The following B3GALNT2 variants were observed in gnomAD, a reference collection of about 807,000 sequenced individuals.
B3GALNT2 encodes UDP-GalNAc:beta-1,3-N-acetylgalactosaminyltransferase 2.
In B3GALNT2, 53 loss-of-function variants were observed where a neutral mutation model predicts 61.1. The ratio of observed to expected loss-of-function variants is 0.87; its 90% CI spans 0.70 to 1.09. The LOEUF (loss-of-function observed/expected upper bound fraction) is 1.09. Ranked by LOEUF, B3GALNT2 falls within the 50% of genes least tolerant of loss-of-function variation. B3GALNT2 has a pLI of 0.00. For missense variants in B3GALNT2, 544 were observed against 623.0 expected (o/e 0.87, Z 1.35); for synonymous variants, 223 against 237.4 (o/e 0.94, Z 0.56).
At chr1:235,455,453 A>G in intron 9 of B3GALNT2, 106 bp downstream of exon 9, 1 of 1,258,930 alleles carries the variant, frequency 7.9e-7, no homozygotes, top group Non-Finnish European at 1.1e-6. Context: ...CTAGTACGAA[A>G]TTGTATATCT....
At chr1:235,463,192 A>G (rs953305763) in intron 7 of B3GALNT2, among the ~76,000 whole-genome samples, 10 of 152,184 alleles carry the variant, frequency 6.6e-5, no homozygotes, top group Non-Finnish European at 1.0e-4. Flanking sequence ...ATGCAAAGGC[A>G]TAAGAATGAT....
At chr1:235,464,082 T>G (rs571168013) in intron 7 of B3GALNT2, 41 of 152,246 alleles carry the variant, frequency 2.7e-4, no homozygotes, top group African/African-American at 9.4e-4. Context: ...TATATGAAAA[T>G]GAACATGGAT....
rs556084057 is a variant in B3GALNT2, at chr1:235,453,236, CCTTT to C, written c.1312-94_1312-91del. The stretch of plus-strand genomic sequence containing the variant: ...CCATAGCCACTCCCATCATAAACCA[CCTTT>C]CTACTTTTTTGCTCTGTTATTATTC... On this transcript the variant is annotated intron_variant, in intron 10 of 11. Coordinates refer to ENST00000366600, the MANE Select transcript of B3GALNT2 (RefSeq NM_152490.5). The C allele has an allele frequency of 1.2e-4, 149 of 1,293,976 alleles. 2 individuals carry two copies. The Middle Eastern group carries it at 1.9e-3, about 16-fold the overall frequency. The allele number at this position is 1,293,976 out of a possible 1,614,324, so 80.2% of individuals were successfully genotyped here. A position where few individuals can be genotyped will look rare whatever the true frequency, so the allele number is the denominator to read the frequency against.
chr1:235,476,958 G>A (rs753196812), intron 5 of B3GALNT2, among the ~76,000 whole-genome samples: 3 of 151,656 alleles, frequency 2.0e-5, no homozygotes, highest in Non-Finnish European at 4.4e-5. Context: ...CCATATGGTT[G>A]AGGCTGCGGT....
In B3GALNT2 at chr1:235,454,300, C is replaced by T. The variant is rs774563506; in HGVS notation, c.1167G>A (p.Trp389Ter). Residue 389 changes from tryptophan (W) to a stop codon, truncating the protein, a stop_gained, in exon 10 of 12, where the codon TGG becomes TGA. Transcript: ENST00000366600. LOFTEE classifies it high-confidence loss of function. ...GCCACTTTCCGGTTCGGTCAACTGC[C>T]CAATTCAGTCTGAAACTGAGATGAA... ...NFWWGNFRLNWAVDRTGKWQE... is the reference protein window; with the variant it reads ...NFWWGNFRLN 2.5e-6 allele frequency: 4 copies of T among 1,611,750 alleles called. No individual in the cohort carries two copies. The East Asian group carries it at 6.7e-5, about 27-fold the overall frequency.
In B3GALNT2 at chr1:235,458,752, G is replaced by A; in HGVS notation, c.876C>T (p.Arg292=). ...GDALLHNLHS[R]PQRLIDHIRN... is the part of the protein sequence containing the mutation. ...TTATATGATCAATAAGTCTTTGAGG[G>A]CGAGAATGAAGGTTGTGTAAGAGAG... is the stretch of plus-strand genomic sequence containing the variant. The change falls in exon 8 of 12, where the codon CGC becomes CGT. Residue 292 remains arginine, a synonymous_variant. Transcript: ENST00000366600. 2 of 1,601,970 alleles carry A rather than the reference G, an allele frequency of 1.2e-6. No homozygotes were observed. The highest frequency in any genetic ancestry group is 1.1e-5 in the South Asian group (1 of 87,410).
chr1:235,448,007 A>C lies in B3GALNT2; in HGVS notation c.*2199T>G, dbSNP rs556462897. ...GGGCGGATCACGAGGTCAGGAGTTCAAGACCAGCCTGGCCAACATGGTGAA... is the reference window on the plus strand; with the variant it reads ...GGGCGGATCACGAGGTCAGGAGTTCCAGACCAGCCTGGCCAACATGGTGAA... On this transcript the variant is annotated 3_prime_UTR_variant, in exon 12 of 12. Transcript: ENST00000366600. Among the ~76,000 whole-genome samples the C allele has an allele frequency of 3.9e-5, 6 of 151,986 alleles. No homozygotes were observed. The highest frequency in any genetic ancestry group is 1.2e-4 in the African/African-American group (5 of 41,374).
intron 1 of B3GALNT2, among the ~76,000 whole-genome samples, chr1:235,497,970 G>C (rs1268862821): frequency 6.6e-6 from 1 of 152,178 alleles, no homozygotes; most frequent in Non-Finnish European, 1.5e-5. Flanking sequence ...AGCTGCTTCT[G>C]TTCAACTGCT....
At chr1:235,503,809 C>A (rs976029023) in intron 1 of B3GALNT2, among the ~76,000 whole-genome samples, 2 of 152,180 alleles carry the variant, frequency 1.3e-5, no homozygotes, top group Non-Finnish European at 2.9e-5. Flanking sequence ...CTGAAGGGCA[C>A]ACGAGGTTCC....
chr1:235,440,249 C>A, the B3GALNT2 span, among the ~76,000 whole-genome samples: 166 of 152,174 alleles, frequency 1.1e-3, 2 homozygotes, highest in African/African-American at 3.7e-3. Flanking sequence ...GGATTACAGG[C>A]GTGAGCCACC....
At chr1:235,455,148 G>T (rs2102783966) in intron 9 of B3GALNT2, among the ~76,000 whole-genome samples, 1 of 151,956 alleles carries the variant, frequency 6.6e-6, no homozygotes, top group Non-Finnish European at 1.5e-5. Context: ...TTAAGACAGG[G>T]TCTCCCTCTG....
chr1:235,474,971 A>AT (rs1558425250), intron 5 of B3GALNT2, among the ~76,000 whole-genome samples: 1 of 30,120 alleles, frequency 3.3e-5, no homozygotes, highest in Admixed American at 3.8e-4. Flanking sequence ...ATATATATAT[A>AT]TATATATATA....
At chr1:235,469,433 G>A (rs1195647610) in intron 6 of B3GALNT2, among the ~76,000 whole-genome samples, 1 of 152,148 alleles carries the variant, frequency 6.6e-6, no homozygotes, top group Non-Finnish European at 1.5e-5. Context: ...TATTTACTTT[G>A]AGAAATTCAC....
At chr1:235,475,168 T>C (rs1337531828) in intron 5 of B3GALNT2, among the ~76,000 whole-genome samples, 1 of 150,800 alleles carries the variant, frequency 6.6e-6, no homozygotes, top group East Asian at 2.0e-4. Context: ...TGGCTAATTT[T>C]TTGTATTTTT....
chr1:235,481,374 C>A (rs1684558481), intron 4 of B3GALNT2, among the ~76,000 whole-genome samples: 1 of 152,206 alleles, frequency 6.6e-6, no homozygotes. Context: ...CAGTCTCACT[C>A]TGTCACCTAG....
At chr1:235,482,427 C>G (rs936850160) in intron 4 of B3GALNT2, among the ~76,000 whole-genome samples, 1 of 151,980 alleles carries the variant, frequency 6.6e-6, no homozygotes, top group Non-Finnish European at 1.5e-5. Context: ...AGAGAGAGAA[C>G]CACAAATTCT....
intron 4 of B3GALNT2, 48 bp downstream of exon 4, chr1:235,484,274 T>A: frequency 6.6e-7 from 1 of 1,524,782 alleles, no homozygotes. Flanking sequence ...AAAGTTGATG[T>A]TTTTGAAAAA....
chr1:235,445,627 C>G (rs1028602290), downstream of B3GALNT2, among the ~76,000 whole-genome samples: 2 of 151,910 alleles, frequency 1.3e-5, no homozygotes, highest in Non-Finnish European at 2.9e-5. Flanking sequence ...CAGAGTGAGG[C>G]CCTGTCTAAA....
At chr1:235,442,955 G>A (rs368077100), downstream of B3GALNT2, 197 of 1,598,118 alleles carry the variant, frequency 1.2e-4, no homozygotes, top group South Asian at 6.3e-4. Context: ...CTGAATCATC[G>A]GCCTAGGTAT....
Sources: allele counts gnomAD v4.1 joint callset (sites outside exome capture counted in the v4.1 genomes callset), GRCh38; gene constraint gnomAD v4.1.1; transcripts MANE v1.5; gene names NCBI Gene and HGNC (gene_info 2026-07-23, HGNC 2026-07-21).